Variants in BNC2 observed in about 807,000 individuals in gnomAD.
BNC2 encodes zinc finger protein basonuclin-2.
A neutral mutation model predicts 76.3 loss-of-function variants in BNC2; 20 were observed. That is an observed-to-expected ratio of 0.26 (90% CI 0.18 to 0.38). The LOEUF is 0.38. Among genes scored for constraint, BNC2 ranks in the 10% least tolerant of loss-of-function variants. The pLI, the probability that BNC2 is intolerant of heterozygous loss-of-function variation, is 1.00. For synonymous variants in BNC2, 582 were observed against 514.8 expected, an observed-to-expected ratio of 1.13 and a Z score of -1.77; for missense variants, 1,382 against 1,399.8, an observed-to-expected ratio of 0.99 and a Z score of 0.20.
intron 1 of BNC2, among the ~76,000 whole-genome samples, chr9:16,852,928 C>T (rs1020805001): frequency 1.3e-5 from 2 of 152,106 alleles, no homozygotes; most frequent in Non-Finnish European, 2.9e-5. Flanking sequence ...TGGCAGGAAA[C>T]GGCGTCAGAG....
intron 5 of BNC2, among the ~76,000 whole-genome samples, chr9:16,483,960 G>T (rs1410699365): frequency 6.6e-6 from 1 of 152,128 alleles, no homozygotes; most frequent in African/African-American, 2.4e-5. Context: ...ATAAATCCTG[G>T]CTGATAAAGG....
chr9:16,870,584 G>C, intron 1 of BNC2, 62 bp downstream of exon 1: 6 of 1,593,384 alleles, frequency 3.8e-6, no homozygotes, highest in Non-Finnish European at 4.3e-6. Context: ...TGGCGCTCGG[G>C]CGCGGGGGTC....
Position 16,552,776 on chromosome 9 carries a change from C to A in BNC2, c.434-11G>T. 1 of 1,609,768 alleles carries A rather than the reference C, an allele frequency of 6.2e-7. No individual in the cohort carries two copies. Among genetic ancestry groups the A allele is most frequent in the South Asian group, 1.1e-5 (1 of 90,940 alleles). ...TGAGCTTATCCAAGGCTGTGGTGGT[C>A]CCGCCAAAGTTCCAGAGATGGGGGT... On this transcript the variant is annotated splice_polypyrimidine_tract_variant and intron_variant, in intron 4 of 6. Transcript: ENST00000380672.
rs1820644477 is a variant in BNC2 at position 16,418,809 on chromosome 9, T to C, written c.*180A>G. The C allele has an allele frequency of 1.4e-6, 1 of 699,836 alleles. No homozygotes were observed. The highest frequency in any genetic ancestry group is 2.7e-5 in the East Asian group (1 of 36,576). The allele number at this position is 699,836 out of a possible 1,614,324, so 43.4% of individuals were successfully genotyped here. On this transcript the variant is annotated 3_prime_UTR_variant, in exon 7 of 7. Transcript: ENST00000380672. ...GTGAAAAAAATTCAAAAGCACCTAG[T>C]GTTTATCTTGTTTATCTCAAGGAAA...
chr9:16,843,553 C>G (rs971021998), intron 1 of BNC2, among the ~76,000 whole-genome samples: 1 of 152,202 alleles, frequency 6.6e-6, no homozygotes, highest in African/African-American at 2.4e-5. Context: ...AGGCTGGTCT[C>G]CAACTCCTGA....
intron 1 of BNC2, among the ~76,000 whole-genome samples, chr9:16,827,516 A>T (rs1818482505): frequency 6.6e-6 from 1 of 152,208 alleles, no homozygotes; most frequent in African/African-American, 2.4e-5. Context: ...TCATTGTCAT[A>T]TTCCTAGAAT....
intron 1 of BNC2, among the ~76,000 whole-genome samples, chr9:16,851,833 G>A (rs947985329): frequency 1.3e-5 from 2 of 152,154 alleles, no homozygotes; most frequent in Non-Finnish European, 2.9e-5. Context: ...TTCAGTCACT[G>A]AAAGAGCTCA....
intron 3 of BNC2, among the ~76,000 whole-genome samples, chr9:16,652,565 A>C (rs1334579329): frequency 6.6e-6 from 1 of 152,216 alleles, no homozygotes; most frequent in Non-Finnish European, 1.5e-5. Context: ...TATTACACAC[A>C]TTGAACCTGT....
intron 3 of BNC2, among the ~76,000 whole-genome samples, chr9:16,645,614 A>C (rs1332945124): frequency 6.6e-6 from 1 of 152,208 alleles, no homozygotes; most frequent in African/African-American, 2.4e-5. Flanking sequence ...TCCTTGTCCC[A>C]TCACAGCACA....
chr9:16,826,620 G>C (rs1818459224), intron 1 of BNC2, among the ~76,000 whole-genome samples: 2 of 151,960 alleles, frequency 1.3e-5, no homozygotes, highest in Admixed American at 6.6e-5. Context: ...TTTACTTTTG[G>C]CAGAAAAATG....
intron 4 of BNC2, among the ~76,000 whole-genome samples, chr9:16,578,263 A>G (rs373255337): frequency 6.6e-6 from 1 of 152,308 alleles, no homozygotes; most frequent in East Asian, 1.9e-4. Context: ...CTTAGAATTC[A>G]GTTTGTTTTC....
intron 1 of BNC2, among the ~76,000 whole-genome samples, chr9:16,769,959 G>C (rs1167604119): frequency 1.3e-5 from 2 of 152,106 alleles, no homozygotes; most frequent in African/African-American, 4.8e-5. Flanking sequence ...CCCAGGCCTT[G>C]GGAAATTTAC....
At chr9:16,738,283 G>C (rs1824737307) in intron 2 of BNC2, 77 bp downstream of exon 2, 1 of 1,478,984 alleles carries the variant, frequency 6.8e-7, no homozygotes, top group Non-Finnish European at 9.4e-7. Flanking sequence ...AGAGGTGAGA[G>C]ATATATCTTA....
intron 1 of BNC2, among the ~76,000 whole-genome samples, chr9:16,741,955 C>G (rs1364885874): frequency 3.7e-5 from 1 of 27,246 alleles, no homozygotes; most frequent in African/African-American, 1.2e-4. Flanking sequence ...GAGGCTCCAT[C>G]TCAAAAAAAA....
intron 3 of BNC2, among the ~76,000 whole-genome samples, chr9:16,660,284 G>C (rs1448858997): frequency 6.6e-6 from 1 of 152,082 alleles, no homozygotes; most frequent in African/African-American, 2.4e-5. Flanking sequence ...GAGAAACTCT[G>C]TCTCTACTAA....
chr9:16,751,692 GTA>G (rs139105343), intron 1 of BNC2, among the ~76,000 whole-genome samples: 70,727 of 102,120 alleles, frequency 0.69, 21,928 homozygotes, highest in Non-Finnish European at 0.76. Flanking sequence ...ATGTATGTGT[GTA>G]TATATATATA....
intron 3 of BNC2, among the ~76,000 whole-genome samples, chr9:16,707,164 T>C (rs192017009): frequency 9.5e-4 from 144 of 151,568 alleles, no homozygotes; most frequent in African/African-American, 2.8e-3. Context: ...ATCGCGCCAC[T>C]GCACTCCAGC....
chr9:16,534,054 G>GT (rs1310711806), intron 5 of BNC2, among the ~76,000 whole-genome samples: 1 of 152,124 alleles, frequency 6.6e-6, no homozygotes, highest in African/African-American at 2.4e-5. Flanking sequence ...CAATAATGGT[G>GT]TAAGTGCTTT....
intron 1 of BNC2, among the ~76,000 whole-genome samples, chr9:16,765,667 G>T (rs1175244965): frequency 6.6e-6 from 1 of 151,986 alleles, no homozygotes; most frequent in African/African-American, 2.4e-5. Flanking sequence ...TTTTTCCATG[G>T]GCTATAATCA....
Sources: allele counts gnomAD v4.1 joint callset (sites outside exome capture counted in the v4.1 genomes callset), GRCh38; gene constraint gnomAD v4.1.1; transcripts MANE v1.5; gene names NCBI Gene and HGNC (gene_info 2026-07-23, HGNC 2026-07-21).